CTNND1: variants seen among roughly 807,000 people sequenced by gnomAD.
CTNND1 encodes catenin delta-1.
In CTNND1, 16 loss-of-function variants were observed where a neutral mutation model predicts 112.1. That is an observed-to-expected ratio of 0.14 (90% confidence interval 0.10 to 0.22). The LOEUF (loss-of-function observed/expected upper bound fraction) is 0.22. Ranked by LOEUF, CTNND1 falls within the 10% of genes least tolerant of loss-of-function variation. The pLI is 1.00. For missense variants in CTNND1, 1,008 were observed against 1,257.0 expected, an observed-to-expected ratio of 0.80 and a Z score of 3.00; for synonymous variants, 420 against 446.5, an observed-to-expected ratio of 0.94 and a Z score of 0.75.
chr11:57,807,157 T>G (rs2062776260), intron 12 of CTNND1, among the ~76,000 whole-genome samples, 174 bp downstream of exon 12: 1 of 152,184 alleles, frequency 6.6e-6, no homozygotes, highest in African/African-American at 2.4e-5. Flanking sequence ...AGCAGTAACT[T>G]AAAAAGGACT....
chr11:57,817,505 AT>A lies in CTNND1; in HGVS notation c.*1198del, dbSNP rs2064044954. 1 of 152,658 alleles carries A rather than the reference AT, an allele frequency of 6.6e-6. No homozygotes were observed. 9.5% of individuals were successfully genotyped at this position (152,658 alleles called of 1,614,324 possible). ...CTTTCTTACCTACTATTGGCCCTAA[AT>A]AGCAGAAAGAAGAGAAGTGACCGAG... On this transcript the variant is annotated 3_prime_UTR_variant, in exon 21 of 21. Coordinates refer to ENST00000399050, the MANE Select transcript of CTNND1 (RefSeq NM_001085458.2).
intron 1 of CTNND1, among the ~76,000 whole-genome samples, chr11:57,779,934 C>T (rs2059393456): frequency 6.6e-6 from 1 of 152,118 alleles, no homozygotes; most frequent in Admixed American, 6.5e-5. Flanking sequence ...AGGTTTTGTT[C>T]TTTAAAGTGA....
intron 17 of CTNND1, among the ~76,000 whole-genome samples, 152 bp downstream of exon 17, chr11:57,811,638 G>A (rs1000665721): frequency 8.5e-5 from 13 of 152,144 alleles, no homozygotes; most frequent in African/African-American, 3.1e-4. Flanking sequence ...CGCAGAAATG[G>A]GTAGGTCTTA....
intron 18 of CTNND1, among the ~76,000 whole-genome samples, chr11:57,815,101 T>C (rs1338049793): frequency 6.6e-6 from 1 of 152,146 alleles, no homozygotes; most frequent in East Asian, 1.9e-4. Context: ...CTTATTCTTA[T>C]ATTTTTAGTA....
intron 12 of CTNND1, among the ~76,000 whole-genome samples, chr11:57,807,530 T>C (rs2062828368): frequency 7.5e-6 from 1 of 133,410 alleles, no homozygotes; most frequent in Admixed American, 9.0e-5. Flanking sequence ...TGCTTGAATC[T>C]GGGAAGCGGA....
rs1950128487 is a variant in CTNND1, at chr11:57,762,685, C to T, written c.-214+566C>T. On this transcript the variant is annotated intron_variant, in intron 1 of 20. Coordinates refer to ENST00000399050, the MANE Select transcript of CTNND1 (RefSeq NM_001085458.2). The stretch of plus-strand genomic sequence containing the variant: ...TTTTCCAGGTGCGGTGGGTGGGAGC[C>T]TCATTCTCCTGCTAGATGTAGTCTC... 2.6e-5 allele frequency among the ~76,000 whole-genome samples: 4 copies of T among 152,048 alleles called. No homozygotes were observed. The South Asian group carries it at 8.3e-4, about 31-fold the overall frequency.
At chr11:57,782,758 A>G (rs2059709933) in intron 1 of CTNND1, among the ~76,000 whole-genome samples, 1 of 152,268 alleles carries the variant, frequency 6.6e-6, no homozygotes, top group Admixed American at 6.5e-5. Context: ...TAAATGGAGA[A>G]GTTGGGCCTA....
At chr11:57,810,940 T>C (rs581217) in intron 16 of CTNND1, among the ~76,000 whole-genome samples, 42,658 of 150,390 alleles carry the variant, frequency 0.28, 7,049 homozygotes, top group East Asian at 0.78. Flanking sequence ...CTGGGCAACA[T>C]AGCTAAACCC....
chr11:57,790,260 A>G (rs2060553873), intron 2 of CTNND1, among the ~76,000 whole-genome samples: 1 of 151,760 alleles, frequency 6.6e-6, no homozygotes. Context: ...AGTAGAGATA[A>G]GGTTTCCCCA....
In CTNND1 at chr11:57,811,443, T is replaced by C. The variant is rs1194175180; in HGVS notation, c.2595T>C (p.Tyr865=). The change falls in exon 17 of 21, where the codon TAT becomes TAC. Residue 865 remains tyrosine, a synonymous_variant. Coordinates refer to ENST00000399050, the MANE Select transcript of CTNND1 (RefSeq NM_001085458.2). The part of the protein sequence containing the change: ...NASRSQSSHS[Y]DDSTLPLIDR... ...CCCGAAGCCAGAGCAGTCATTCATA[T>C]GATGATAGTACTCTCCCTCTCATTG... The C allele has an allele frequency of 1.2e-6, 2 of 1,613,682 alleles. No homozygotes were observed. Among genetic ancestry groups the C allele is most frequent in the East Asian group, 2.2e-5 (1 of 44,864 alleles).
At position 57,815,995 on chromosome 11, in the gene CTNND1, C is replaced by T. The variant is rs2063930142; in HGVS notation, c.2889C>T (p.Pro963=). ...ATGAGGGGGGCCAAGTGTCTTACCC[C>T]TCCATGGTATGTCCTTCAGTCACCC... The part of the protein sequence containing the change: ...LDDEGGQVSY[P]SMQKI Residue 963 remains proline (P), a synonymous_variant, in exon 20 of 21, where the codon CCC becomes CCT. Coordinates refer to ENST00000399050, the MANE Select transcript of CTNND1 (RefSeq NM_001085458.2). 4 of 1,582,570 alleles carry T rather than the reference C, an allele frequency of 2.5e-6. No homozygotes were observed. Among genetic ancestry groups the T allele is most frequent in the East Asian group, 2.2e-5 (1 of 44,614 alleles).
At position 57,803,763 on chromosome 11, in the gene CTNND1, T is replaced by G; in HGVS notation, c.1563T>G (p.Ile521Met). The G allele has an allele frequency of 1.2e-6, 2 of 1,612,316 alleles. No homozygotes were observed. The highest frequency in any genetic ancestry group is 1.7e-6 in the Non-Finnish European group (2 of 1,179,138). ...EPNEDCKPRHIEWESVLTNTA... is the reference protein window; with the variant it reads ...EPNEDCKPRHMEWESVLTNTA... ...ATGAAGACTGTAAGCCACGCCACAT[T>G]GAGTGGGAATCGGTGCTCACCAACA... is the stretch of plus-strand genomic sequence containing the variant. Residue 521 changes from isoleucine (I) to methionine (M), a missense_variant, in exon 8 of 21, where the codon ATT becomes ATG. Physicochemically the swap from Ile to Met is conservative, Grantham distance 10. Coordinates refer to ENST00000399050, the MANE Select transcript of CTNND1 (RefSeq NM_001085458.2).
chr11:57,804,399 T>C (rs138371560), intron 8 of CTNND1, among the ~76,000 whole-genome samples: 92 of 152,348 alleles, frequency 6.0e-4, no homozygotes, highest in Non-Finnish European at 1.0e-3. Context: ...ATATGTATTA[T>C]ATACTTCCAT....
At chr11:57,781,876 C>T (rs1433083625) in intron 1 of CTNND1, among the ~76,000 whole-genome samples, 1 of 152,084 alleles carries the variant, frequency 6.6e-6, no homozygotes, top group Admixed American at 6.5e-5. Flanking sequence ...TAGCTGAGAG[C>T]CACACCCTTC....
rs2060723441 is a variant in CTNND1, at chr11:57,791,372, C to T, written c.-94-13C>T. ...TGACCTTTTCTCTCCTTTCTCTTACCCTTTCCCGGTAGTGTGAAGTGAGGG... is the reference window on the plus strand; with the variant it reads ...TGACCTTTTCTCTCCTTTCTCTTACTCTTTCCCGGTAGTGTGAAGTGAGGG... On this transcript the variant is annotated splice_polypyrimidine_tract_variant and intron_variant, in intron 2 of 20. Transcript: ENST00000399050. 1.5e-6 allele frequency: 2 copies of T among 1,357,142 alleles called. No individual in the cohort carries two copies. The highest frequency in any genetic ancestry group is 1.9e-6 in the Non-Finnish European group (2 of 1,048,006). 84.1% of individuals were successfully genotyped at this position (1,357,142 alleles called of 1,614,324 possible).
At position 57,767,736 on chromosome 11, in the gene CTNND1, T is replaced by A. The variant is rs78321747; in HGVS notation, c.-214+5617T>A. Among the ~76,000 whole-genome samples, 484 of 152,304 alleles carry A rather than the reference T, an allele frequency of 3.2e-3. 3 individuals carry two copies. The highest frequency in any genetic ancestry group is 0.011 in the African/African-American group (474 of 41,562). Reference sequence around the variant, plus strand: ...AGTTATTTAATGTATGTGAACTTTATAGAGTAATGCAGAGCTCCTAGTAAT... The same window carrying A: ...AGTTATTTAATGTATGTGAACTTTAAAGAGTAATGCAGAGCTCCTAGTAAT... On this transcript the variant is annotated intron_variant, in intron 1 of 20. Transcript: ENST00000399050.
At chr11:57,778,569 C>G (rs770133820) in intron 1 of CTNND1, among the ~76,000 whole-genome samples, 6 of 152,166 alleles carry the variant, frequency 3.9e-5, no homozygotes, top group African/African-American at 1.2e-4. Flanking sequence ...CTTTGTCCTA[C>G]GTAGTGTTGG....
intron 6 of CTNND1, among the ~76,000 whole-genome samples, chr11:57,798,769 C>CG (rs1201235982): frequency 6.6e-6 from 1 of 152,160 alleles, no homozygotes; most frequent in East Asian, 1.9e-4. Flanking sequence ...CCACGTAGAA[C>CG]TATTTTAGGC....
chr11:57,802,526 C>T (rs547754004), intron 7 of CTNND1, among the ~76,000 whole-genome samples: 30 of 152,356 alleles, frequency 2.0e-4, no homozygotes, highest in South Asian at 6.2e-4. Context: ...CTCTAATTTA[C>T]ACTAATCTCC....
Sources: allele counts gnomAD v4.1 joint callset (sites outside exome capture counted in the v4.1 genomes callset), GRCh38; gene constraint gnomAD v4.1.1; transcripts MANE v1.5; gene names NCBI Gene and HGNC (gene_info 2026-07-23, HGNC 2026-07-21).